The following KIF5C variants were observed in gnomAD, a reference collection of about 807,000 sequenced individuals.
KIF5C encodes kinesin family member 5C.
Under a neutral mutation model 125.2 loss-of-function variants are expected in KIF5C, and 18 were observed. The ratio of observed to expected loss-of-function variants is 0.14; its 90% CI spans 0.10 to 0.21. The LOEUF (loss-of-function observed/expected upper bound fraction) is 0.21. Ranked by LOEUF, KIF5C falls within the 10% of genes least tolerant of loss-of-function variation. The pLI, the probability that KIF5C is intolerant of heterozygous loss-of-function variation, is 1.00. For missense variants in KIF5C, 780 were observed against 1,183.8 expected (o/e 0.66, Z 5.01); for synonymous variants, 405 against 434.0 (o/e 0.93, Z 0.83).
intron 1 of KIF5C, among the ~76,000 whole-genome samples, chr2:148,881,713 T>C (rs1314700292): frequency 1.3e-5 from 2 of 151,568 alleles, no homozygotes; most frequent in African/African-American, 4.9e-5. Flanking sequence ...CCTTTAGTCC[T>C]TACCTCTAAA....
At chr2:148,952,896 G>A (rs1682700778) in intron 10 of KIF5C, among the ~76,000 whole-genome samples, 2 of 152,150 alleles carry the variant, frequency 1.3e-5, no homozygotes, top group African/African-American at 4.8e-5. Flanking sequence ...GCTTGAAAAG[G>A]TCATAGTAGT....
chr2:148,973,561 T>A (rs752306611), intron 12 of KIF5C, 50 bp downstream of exon 12: 4 of 1,538,038 alleles, frequency 2.6e-6, no homozygotes, highest in Non-Finnish European at 3.5e-6. Context: ...AGATGAAAGA[T>A]GGCAGGTCCC....
chr2:149,013,945 A>G (rs922446081), intron 25 of KIF5C, among the ~76,000 whole-genome samples: 7 of 152,070 alleles, frequency 4.6e-5, no homozygotes, highest in South Asian at 2.1e-4. Flanking sequence ...TTTTACTTTA[A>G]GTTCTGGGAT....
intron 11 of KIF5C, among the ~76,000 whole-genome samples, chr2:148,966,014 G>A (rs1272467473): frequency 6.6e-6 from 1 of 152,164 alleles, no homozygotes; most frequent in East Asian, 1.9e-4. Context: ...GTGTGTAAAC[G>A]TGAGAGCTGG....
At chr2:148,912,292 AAT>A (rs1273431861) in intron 1 of KIF5C, among the ~76,000 whole-genome samples, 2 of 152,234 alleles carry the variant, frequency 1.3e-5, no homozygotes, top group Admixed American at 6.5e-5. Context: ...AGCGTTGAAA[AAT>A]ATGGTACCCT....
At chr2:148,951,330 CAT>C (rs1682652951) in intron 10 of KIF5C, among the ~76,000 whole-genome samples, 2 of 152,196 alleles carry the variant, frequency 1.3e-5, no homozygotes, top group Non-Finnish European at 2.9e-5. Flanking sequence ...AAAATTCCCA[CAT>C]GAGACTTCCT....
chr2:148,900,769 C>T (rs901785708), intron 1 of KIF5C, among the ~76,000 whole-genome samples: 6 of 151,986 alleles, frequency 3.9e-5, no homozygotes, highest in African/African-American at 1.5e-4. Flanking sequence ...GGCTTACAGA[C>T]CAGAGGGAGA....
chr2:148,954,226 C>T (rs1331744742), intron 10 of KIF5C, among the ~76,000 whole-genome samples: 2 of 152,238 alleles, frequency 1.3e-5, no homozygotes, highest in African/African-American at 2.4e-5. Flanking sequence ...TGCCCAGCAT[C>T]GTGCCATTAA....
chr2:148,999,786 A>T (rs1681797501), intron 19 of KIF5C: 1 of 152,270 alleles, frequency 6.6e-6, no homozygotes, highest in South Asian at 2.1e-4. Context: ...TCCTTCTGGT[A>T]GTGCATAGCT....
chr2:148,892,596 T>C (rs1469927733), intron 1 of KIF5C, among the ~76,000 whole-genome samples: 2 of 152,254 alleles, frequency 1.3e-5, no homozygotes, highest in Admixed American at 6.5e-5. Context: ...TCTGAAAGGC[T>C]GTTTAGGACC....
chr2:148,931,590 G>GA (rs1391188729), intron 3 of KIF5C, among the ~76,000 whole-genome samples: 1 of 152,216 alleles, frequency 6.6e-6, no homozygotes, highest in African/African-American at 2.4e-5. Context: ...TTGAACTGTG[G>GA]AGGCGAAGGT....
intron 1 of KIF5C, among the ~76,000 whole-genome samples, chr2:148,903,298 G>T (rs972735151): frequency 6.6e-6 from 1 of 152,194 alleles, no homozygotes; most frequent in Non-Finnish European, 1.5e-5. Context: ...GCCCACAAGA[G>T]CATGGCTACT....
intron 12 of KIF5C, among the ~76,000 whole-genome samples, chr2:148,976,860 C>T (rs896824442): frequency 3.3e-5 from 5 of 152,102 alleles, no homozygotes; most frequent in Non-Finnish European, 4.4e-5. Flanking sequence ...GGATTATAGG[C>T]GTGAGCCACT....
chr2:148,886,554 A>C (rs1681532858), intron 1 of KIF5C, among the ~76,000 whole-genome samples: 1 of 152,190 alleles, frequency 6.6e-6, no homozygotes, highest in Admixed American at 6.5e-5. Context: ...CTGGAGTATC[A>C]CTATTCTTGT....
chr2:148,928,015 A>G (rs1310517899), intron 2 of KIF5C, among the ~76,000 whole-genome samples: 1 of 152,194 alleles, frequency 6.6e-6, no homozygotes, highest in East Asian at 1.9e-4. Context: ...CCTTCCTAAA[A>G]TAACATATTG....
At chr2:149,016,306 G>C (rs2105208661) in intron 25 of KIF5C, among the ~76,000 whole-genome samples, 1 of 152,240 alleles carries the variant, frequency 6.6e-6, no homozygotes, top group Middle Eastern at 3.4e-3. Flanking sequence ...ATTAGACAAG[G>C]CCACTCTGGG....
chr2:149,007,833 A>T, intron 22 of KIF5C, 130 bp from the exon 23 acceptor site: 1 of 1,096,200 alleles, frequency 9.1e-7, no homozygotes, highest in Non-Finnish European at 1.2e-6. Context: ...CTAAACTTTT[A>T]GAACCTCTAT....
Position 149,008,084 on chromosome 2 carries a change from C to G in KIF5C, c.2550+17C>G, listed in dbSNP as rs751507561. 1.9e-6 allele frequency: 3 copies of G among 1,599,760 alleles called. No individual in the cohort carries two copies. The East Asian group carries it at 6.7e-5, about 36-fold the overall frequency. On this transcript the variant is annotated intron_variant, in intron 23 of 25. Coordinates refer to ENST00000435030, the MANE Select transcript of KIF5C (RefSeq NM_004522.3). ...CACAAGCAGGTAGGAGAGTTCTGCC[C>G]GCTCCCCTCTGATTCCCTCCTCTCT... is the stretch of plus-strand genomic sequence containing the variant.
At chr2:148,875,842 A>G in intron 1 of KIF5C, 99 bp downstream of exon 1, 1 of 1,473,608 alleles carries the variant, frequency 6.8e-7, no homozygotes, top group Non-Finnish European at 9.0e-7. Context: ...GCCCCCTCGG[A>G]CATTCCCGCG....
Sources: allele counts gnomAD v4.1 joint callset (sites outside exome capture counted in the v4.1 genomes callset), GRCh38; gene constraint gnomAD v4.1.1; transcripts MANE v1.5; gene names NCBI Gene and HGNC (gene_info 2026-07-23, HGNC 2026-07-21).